The following ARAP1 variants were observed in gnomAD, a reference collection of about 807,000 sequenced individuals.
ARAP1 encodes ArfGAP with RhoGAP domain, ankyrin repeat and PH domain 1, also known as arf-GAP with Rho-GAP domain, ANK repeat and PH domain-containing protein 1.
Under a neutral mutation model 172.2 loss-of-function variants are expected in ARAP1, and 76 were observed. The ratio of observed to expected loss-of-function variants is 0.44; its 90% CI spans 0.37 to 0.53. The LOEUF (loss-of-function observed/expected upper bound fraction) is 0.53, where lower values mean the gene tolerates loss of function less well. ARAP1 is among the 20% of genes least tolerant of loss of function. ARAP1 has a pLI of 0.00. For synonymous variants in ARAP1, 804 were observed against 803.3 expected (o/e 1.00, Z -0.01); for missense variants, 1,686 against 1,977.5 (o/e 0.85, Z 2.80).
In ARAP1 at chr11:72,698,100, C is replaced by T. The variant is rs768890682; in HGVS notation, c.2548G>A (p.Val850Met). The change falls in exon 19 of 35, where the codon GTG (valine) becomes ATG (methionine). Residue 850 changes from valine to methionine, a missense_variant. This residue lies in a region of ARAP1 where 688 missense variants were observed against 856.9 expected (regional missense o/e 0.80). Coordinates refer to ENST00000393609, the MANE Select transcript of ARAP1 (RefSeq NM_001040118.3). ...EWVKCIAKAF[V>M]PPLAEDLLAR... ...AGCAGATCCTCGGCTAGGGGAGGCACGAATGCCTGGCAGAGAGGCGCCGGG... is the reference window on the plus strand; with the variant it reads ...AGCAGATCCTCGGCTAGGGGAGGCATGAATGCCTGGCAGAGAGGCGCCGGG... 42 of 1,594,758 alleles carry T rather than the reference C, an allele frequency of 2.6e-5. No homozygotes were observed. The highest frequency in any genetic ancestry group is 2.5e-4 in the South Asian group (22 of 88,172).
chr11:72,722,219 C>G, intron 3 of ARAP1: 1 of 985,368 alleles, frequency 1.0e-6, no homozygotes, highest in Non-Finnish European at 1.2e-6. Flanking sequence ...GTGTGTGACT[C>G]TGTGTGTCTG....
chr11:72,719,469 T>C (rs1161789961), intron 3 of ARAP1, among the ~76,000 whole-genome samples: 2 of 152,210 alleles, frequency 1.3e-5, no homozygotes, highest in African/African-American at 4.8e-5. Flanking sequence ...TTTGGGACCT[T>C]GAGCAGGTCC....
Position 72,703,039 on chromosome 11 carries a change from G to A in ARAP1, c.2033C>T (p.Thr678Ile), listed in dbSNP as rs755858185. The A allele has an allele frequency of 5.0e-6, 8 of 1,598,560 alleles. No homozygotes were observed. In the South Asian group the frequency reaches 7.9e-5, roughly 16 times the overall value. Residue 678 changes from threonine (T) to isoleucine (I), a missense_variant, in exon 15 of 35, where the codon ACC becomes ATC. By Grantham distance (89) the Thr-to-Ile change is moderately conservative. Transcript: ENST00000393609. ...AAVTTTDLAE[T>I]QALLGCGAGI... ...AGCCCCACAGCCCAGGAGCGCCTGG[G>A]TCTCAGCCAGGTCTGTGGTGGTGAC... is the stretch of plus-strand genomic sequence containing the variant.
intron 1 of ARAP1, among the ~76,000 whole-genome samples, chr11:72,750,784 G>T (rs1464171843): frequency 1.7e-4 from 26 of 152,244 alleles, no homozygotes; most frequent in Non-Finnish European, 4.4e-5. Flanking sequence ...CCATGGCTCT[G>T]CAGGCCCCAT....
rs369098599 is a variant in ARAP1, at chr11:72,712,453, T to C, written c.863A>G (p.Tyr288Cys). The C allele has an allele frequency of 6.3e-6, 10 of 1,592,278 alleles. No homozygotes were observed. The African/African-American group carries it at 1.2e-4, about 19-fold the overall frequency. ...GGACACTCACTTGGGGACGCCCTCA[T>C]AGGCGTGGTCATCCTCTTCCTCATC... The part of the protein sequence containing the change: ...QGDEEEDDHA[Y>C]EGVPNGGWHT... Residue 288 changes from tyrosine to cysteine, a missense_variant, in exon 6 of 35, where the codon TAT becomes TGT. This residue lies in a region of ARAP1 where 688 missense variants were observed against 856.9 expected (regional missense o/e 0.80). Transcript: ENST00000393609.
In ARAP1 at chr11:72,699,639, A is replaced by G; in HGVS notation, c.2303-87T>C. 4 of 1,502,910 alleles carry G rather than the reference A, an allele frequency of 2.7e-6. No individual in the cohort carries two copies. The highest frequency in any genetic ancestry group is 2.7e-6 in the Non-Finnish European group (3 of 1,117,888). 93.1% of individuals were successfully genotyped at this position (1,502,910 alleles called of 1,614,324 possible). On this transcript the variant is annotated intron_variant, in intron 16 of 34. Transcript: ENST00000393609. The surrounding 1 kb of genome is among the most constrained non-coding windows in gnomAD (Gnocchi z 4.2). ...GCATCCTCCCGGGGCTCCTGCTCCC[A>G]TCTGACCCATGAGCTCTTCATTCTC...
intron 2 of ARAP1, among the ~76,000 whole-genome samples, chr11:72,728,707 A>G (rs147772345): frequency 5.2e-4 from 79 of 152,388 alleles, no homozygotes; most frequent in African/African-American, 1.9e-3. Context: ...ATCACAAAAT[A>G]GAAAACACCA....
intron 1 of ARAP1, among the ~76,000 whole-genome samples, chr11:72,738,008 C>G (rs1307635843): frequency 6.6e-6 from 1 of 152,184 alleles, no homozygotes; most frequent in Admixed American, 6.5e-5. Context: ...AGAAACTCAC[C>G]AGGTCACCTG....
chr11:72,691,034 G>A (rs1160875882), intron 30 of ARAP1, among the ~76,000 whole-genome samples: 3 of 152,224 alleles, frequency 2.0e-5, no homozygotes, highest in African/African-American at 7.2e-5. Flanking sequence ...GGTGTGAAGA[G>A]CACCACCTAC....
chr11:72,699,050 C>T lies in ARAP1; in HGVS notation c.2496G>A (p.Leu832=), dbSNP rs1338782623. 6.2e-7 allele frequency: 1 copy of T among 1,614,072 alleles called. No homozygotes were observed. Among genetic ancestry groups the T allele is most frequent in the African/African-American group, 1.3e-5 (1 of 74,930 alleles). The stretch of plus-strand genomic sequence containing the variant: ...ACTCATGAGCCTGCTCCGCACTCTC[C>T]AGCCCAAACAGGTACAGCCGTTCTC... ...TEGERLYLFG[L]ESAEQAHEWV... is the part of the protein sequence containing the mutation. The change falls in exon 18 of 35, where the codon CTG becomes CTA. Residue 832 remains leucine, a synonymous_variant. Coordinates refer to ENST00000393609, the MANE Select transcript of ARAP1 (RefSeq NM_001040118.3). The surrounding 1 kb of genome is among the most constrained non-coding windows in gnomAD (Gnocchi z 4.2).
chr11:72,724,744 G>A (rs1425315941), intron 3 of ARAP1, among the ~76,000 whole-genome samples: 1 of 152,190 alleles, frequency 6.6e-6, no homozygotes, highest in Non-Finnish European at 1.5e-5. Context: ...AGGCTTGGTA[G>A]CTTACCCACT....
intron 1 of ARAP1, among the ~76,000 whole-genome samples, chr11:72,745,055 G>T (rs906205566): frequency 2.0e-5 from 3 of 152,174 alleles, no homozygotes; most frequent in Non-Finnish European, 4.4e-5. Flanking sequence ...ATCTGGAAAA[G>T]TGTCAGTCTC....
At chr11:72,694,098 A>C (rs1591175843) in intron 27 of ARAP1, among the ~76,000 whole-genome samples, 1 of 78,056 alleles carries the variant, frequency 1.3e-5, no homozygotes, top group Admixed American at 1.6e-4. Flanking sequence ...AAACACCACC[A>C]CCACCCGCCA....
rs1045480175 is a variant in ARAP1, at chr11:72,685,550, G to A, written c.*114C>T. ...CAGGATGGAGGATGTGGGTTGTGGGGTGCAGTTTCCCATGCACCCCCCGCT... is the reference window on the plus strand; with the variant it reads ...CAGGATGGAGGATGTGGGTTGTGGGATGCAGTTTCCCATGCACCCCCCGCT... On this transcript the variant is annotated 3_prime_UTR_variant, in exon 35 of 35. Transcript: ENST00000393609. 7.1e-7 allele frequency: 1 copy of A among 1,417,724 alleles called. No individual in the cohort carries two copies. Among genetic ancestry groups the A allele is most frequent in the African/African-American group, 1.4e-5 (1 of 70,704 alleles). 87.8% of individuals were successfully genotyped at this position (1,417,724 alleles called of 1,614,324 possible).
chr11:72,694,949 C>A (rs2135500644), intron 27 of ARAP1, 31 bp downstream of exon 27: 1 of 1,596,392 alleles, frequency 6.3e-7, no homozygotes, highest in South Asian at 1.1e-5. Context: ...ACAAGCCATA[C>A]CACACCCTGC....
At chr11:72,735,461 T>A (rs1857992234) in intron 1 of ARAP1, among the ~76,000 whole-genome samples, 1 of 151,998 alleles carries the variant, frequency 6.6e-6, no homozygotes, top group South Asian at 2.1e-4. Flanking sequence ...CTGGGCATGG[T>A]GGTGGGTGCC....
intron 14 of ARAP1, among the ~76,000 whole-genome samples, chr11:72,703,620 G>C (rs1188306119): frequency 1.3e-5 from 2 of 152,182 alleles, no homozygotes; most frequent in Admixed American, 1.3e-4. Context: ...GGGCGGTTTG[G>C]GGGAGGGGCT....
rs1591212054 is a variant in ARAP1 at position 72,714,238 on chromosome 11, A to T, written c.593T>A (p.Leu198His). Residue 198 changes from leucine to histidine, a missense_variant, in exon 4 of 35, where the codon CTC (leucine) becomes CAC (histidine). Physicochemically the swap from Leu to His is moderately conservative, Grantham distance 99. This residue lies in a region of ARAP1 where 155 missense variants were observed against 129.2 expected (regional missense o/e 1.20). Transcript: ENST00000393609. ...QPQSEEPLST[L>H]PQGPPQPPSP... is the part of the protein sequence containing the mutation. ...GGGAGGCTGGGGAGGCCCCTGGGGG[A>T]GGGTGGACAGGGGCTCCTCAGACTG... The T allele has an allele frequency of 5.3e-6, 8 of 1,520,286 alleles. No individual in the cohort carries two copies. The highest frequency in any genetic ancestry group is 1.4e-5 in the African/African-American group (1 of 70,556). 94.2% of individuals were successfully genotyped at this position (1,520,286 alleles called of 1,614,324 possible).
chr11:72,735,257 C>T (rs1229071813), intron 1 of ARAP1, among the ~76,000 whole-genome samples: 3 of 152,152 alleles, frequency 2.0e-5, no homozygotes, highest in African/African-American at 7.2e-5. Flanking sequence ...GCTGGGATTA[C>T]AGGCGTGAGC....
Sources: gnomAD v4.1 joint callset for allele counts (sites outside exome capture counted in the v4.1 genomes callset) on GRCh38, gnomAD v4.1.1 for gene constraint, gnomAD v4.1.1 regional missense constraint, Gnocchi (gnomAD v3.1) non-coding constraint, MANE v1.5 for transcripts, NCBI Gene and HGNC (gene_info 2026-07-23, HGNC 2026-07-21) for gene names.